Variants in PARD3B observed in about 807,000 individuals in gnomAD.
PARD3B encodes par-3 family cell polarity regulator beta.
In PARD3B, 103 loss-of-function variants were observed where a neutral mutation model predicts 130.2. That is an observed-to-expected ratio of 0.79 (90% CI 0.67 to 0.93). PARD3B has a LOEUF of 0.93. Ranked by LOEUF, PARD3B falls within the 40% of genes least tolerant of loss-of-function variation. The probability of loss-of-function intolerance (pLI) is 0.00; values close to 1 mark genes in which losing one functional copy is unlikely to be tolerated. For missense variants in PARD3B, 1,609 were observed against 1,499.2 expected, an observed-to-expected ratio of 1.07 and a Z score of -1.21; for synonymous variants, 583 against 553.2, an observed-to-expected ratio of 1.05 and a Z score of -0.76.
At chr2:205,203,027 T>C (rs578079779) in intron 15 of PARD3B, among the ~76,000 whole-genome samples, 2 of 152,270 alleles carry the variant, frequency 1.3e-5, no homozygotes, top group South Asian at 2.1e-4. Flanking sequence ...GAGTGTATTT[T>C]CTCAAGCTGG....
intron 2 of PARD3B, among the ~76,000 whole-genome samples, chr2:204,715,991 T>C (rs2038702409): frequency 6.6e-6 from 1 of 152,174 alleles, no homozygotes; most frequent in Non-Finnish European, 1.5e-5. Context: ...GACCATGGGT[T>C]TACATTATTG....
intron 1 of PARD3B, among the ~76,000 whole-genome samples, chr2:204,609,781 A>G (rs768971375): frequency 1.3e-5 from 2 of 152,108 alleles, no homozygotes; most frequent in African/African-American, 4.8e-5. Flanking sequence ...ACTCTCATCT[A>G]ATCTCTTCTA....
chr2:204,923,844 T>A (rs952760396), intron 2 of PARD3B, among the ~76,000 whole-genome samples: 10 of 152,042 alleles, frequency 6.6e-5, no homozygotes, highest in Admixed American at 4.6e-4. Context: ...GTGATTGTGA[T>A]TCACAAAAAA....
At chr2:205,106,996 C>T (rs1239041594) in intron 5 of PARD3B, among the ~76,000 whole-genome samples, 1 of 152,178 alleles carries the variant, frequency 6.6e-6, no homozygotes, top group Non-Finnish European at 1.5e-5. Context: ...GGTCCATATG[C>T]TCCTGGGGCA....
chr2:204,668,284 T>C (rs1233092560), intron 1 of PARD3B, among the ~76,000 whole-genome samples: 1 of 152,252 alleles, frequency 6.6e-6, no homozygotes, highest in South Asian at 2.1e-4. Context: ...TTAGCGCTTC[T>C]GTGCTTTAGA....
chr2:204,947,968 T>C (rs1025861820), intron 2 of PARD3B, among the ~76,000 whole-genome samples: 3 of 152,208 alleles, frequency 2.0e-5, no homozygotes, highest in Admixed American at 2.0e-4. Flanking sequence ...CCAGATTTTT[T>C]CATAATTAAG....
At chr2:204,716,488 G>A (rs1009493469) in intron 2 of PARD3B, among the ~76,000 whole-genome samples, 1 of 152,024 alleles carries the variant, frequency 6.6e-6, no homozygotes, top group African/African-American at 2.4e-5. Context: ...ACTCTTCAAT[G>A]AGAACATGGA....
intron 16 of PARD3B, among the ~76,000 whole-genome samples, chr2:205,249,006 G>GTTTTTTTTTTT (rs10707308): frequency 1.1e-5 from 1 of 95,084 alleles, no homozygotes; most frequent in African/African-American, 4.7e-5. Flanking sequence ...TAAAATAAGA[G>GTTTTTTTTTTT]TTTTTTTTTT....
intron 2 of PARD3B, among the ~76,000 whole-genome samples, chr2:204,859,451 C>A (rs1017310358): frequency 6.6e-6 from 1 of 152,050 alleles, no homozygotes; most frequent in East Asian, 1.9e-4. Flanking sequence ...AGCACCCTCC[C>A]CCATTTATAA....
At chr2:204,859,183 G>C (rs923093702) in intron 2 of PARD3B, among the ~76,000 whole-genome samples, 8 of 152,022 alleles carry the variant, frequency 5.3e-5, no homozygotes, top group Non-Finnish European at 1.5e-5. Context: ...GAAGTGAGCA[G>C]AATATGCATA....
intron 19 of PARD3B, among the ~76,000 whole-genome samples, chr2:205,409,459 C>G (rs2046523546): frequency 6.6e-6 from 1 of 152,180 alleles, no homozygotes; most frequent in African/African-American, 2.4e-5. Context: ...CACCTATCTT[C>G]TCAGAAATGC....
chr2:205,073,235 C>A (rs1271263054), intron 4 of PARD3B, among the ~76,000 whole-genome samples: 1 of 151,990 alleles, frequency 6.6e-6, no homozygotes, highest in Non-Finnish European at 1.5e-5. Context: ...CTATTTTATT[C>A]CCCTCTTGTG....
chr2:205,062,927 A>G (rs1700143479), intron 4 of PARD3B, among the ~76,000 whole-genome samples: 1 of 152,120 alleles, frequency 6.6e-6, no homozygotes, highest in African/African-American at 2.4e-5. Flanking sequence ...ATGTACTTCA[A>G]ACTCCATCCT....
intron 2 of PARD3B, among the ~76,000 whole-genome samples, chr2:204,941,727 A>G (rs1045402703): frequency 1.3e-5 from 2 of 152,224 alleles, no homozygotes; most frequent in Non-Finnish European, 2.9e-5. Flanking sequence ...TAGATGCTGT[A>G]CATGATGAGC....
intron 4 of PARD3B, among the ~76,000 whole-genome samples, chr2:205,071,574 T>C (rs77016450): frequency 6.6e-6 from 1 of 152,226 alleles, no homozygotes; most frequent in Non-Finnish European, 1.5e-5. Flanking sequence ...TTAACTTTAA[T>C]GTAAGTATGG....
At chr2:205,477,063 TG>T (rs2049047753) in intron 20 of PARD3B, among the ~76,000 whole-genome samples, 1 of 152,242 alleles carries the variant, frequency 6.6e-6, no homozygotes, top group South Asian at 2.1e-4. Flanking sequence ...ACTACATGTC[TG>T]GCTTTGGGTT....
At chr2:205,499,125 T>C (rs571413269) in intron 20 of PARD3B, among the ~76,000 whole-genome samples, 2 of 152,254 alleles carry the variant, frequency 1.3e-5, no homozygotes, top group East Asian at 3.9e-4. Flanking sequence ...TATAATATCA[T>C]GTGATACTGG....
chr2:205,066,959 A>G (rs1700420248), intron 4 of PARD3B, among the ~76,000 whole-genome samples: 1 of 152,098 alleles, frequency 6.6e-6, no homozygotes. Context: ...CGTGAGGGGA[A>G]GGGAGGTTGT....
intron 10 of PARD3B, among the ~76,000 whole-genome samples, chr2:205,153,719 C>A (rs1171030080): frequency 6.6e-6 from 1 of 152,132 alleles, no homozygotes; most frequent in Non-Finnish European, 1.5e-5. Flanking sequence ...TGGAACAGAA[C>A]AGAGCCCTCA....
Sources: gnomAD v4.1 joint callset for allele counts (sites outside exome capture counted in the v4.1 genomes callset) on GRCh38, gnomAD v4.1.1 for gene constraint, MANE v1.5 for transcripts, NCBI Gene and HGNC (gene_info 2026-07-23, HGNC 2026-07-21) for gene names.